ZNF71: variants seen among roughly 807,000 people sequenced by gnomAD.
ZNF71 encodes endothelial zinc finger protein induced by tumor necrosis factor alpha.
ZNF71 carries 3 observed loss-of-function variants against 6.7 expected under a neutral mutation model. That is an observed-to-expected ratio of 0.45 (90% confidence interval 0.20 to 1.16). ZNF71 has a LOEUF of 1.16. Among genes scored for constraint, ZNF71 ranks in the 50% most tolerant of loss-of-function variants. The pLI, the probability that ZNF71 is intolerant of heterozygous loss-of-function variation, is 0.25. For synonymous variants in ZNF71, 343 were observed against 311.1 expected (o/e 1.10, Z -1.08); for missense variants, 688 against 728.6 (o/e 0.94, Z 0.64).
At chr19:56,617,107 C>CTTTTTTT (rs200131241) in intron 3 of ZNF71, among the ~76,000 whole-genome samples, 5 of 117,140 alleles carry the variant, frequency 4.3e-5, no homozygotes, top group African/African-American at 1.6e-4. Context: ...CTTCCATTTT[C>CTTTTTTT]TTTTGTTTTT....
chr19:56,617,130 T>TTTTTA (rs1172399730), intron 3 of ZNF71, among the ~76,000 whole-genome samples: 6 of 151,180 alleles, frequency 4.0e-5, no homozygotes, highest in Admixed American at 2.0e-4. Flanking sequence ...TTGTTTTTTT[T>TTTTTA]GAGACAGTCT....
chr19:56,597,012 A>G (rs1010106189), intron 1 of ZNF71, among the ~76,000 whole-genome samples: 4 of 152,222 alleles, frequency 2.6e-5, no homozygotes, highest in African/African-American at 9.6e-5. Flanking sequence ...CCGCTGCATG[A>G]TTTTTAAGGG....
Position 56,624,452 on chromosome 19 carries a change from G to C in ZNF71, c.*1695G>C, listed in dbSNP as rs921869668. 1.3e-5 allele frequency: 2 copies of C among 152,228 alleles called. No homozygotes were observed. Among genetic ancestry groups the C allele is most frequent in the Non-Finnish European group, 2.9e-5 (2 of 68,040 alleles). The allele number at this position is 152,228 out of a possible 1,614,324, so 9.4% of individuals were successfully genotyped here. On this transcript the variant is annotated 3_prime_UTR_variant, in exon 4 of 4. Coordinates refer to ENST00000599599, the MANE Select transcript of ZNF71 (RefSeq NM_001370215.1). ...ATCAGACATTGCTTTAGTTGCATCT[G>C]TTGTGGGAATAAATGAGAATATGTA...
At position 56,618,895 on chromosome 19, in the gene ZNF71, C is replaced by T. The variant is rs551847523; in HGVS notation, c.161-2373C>T. On this transcript the variant is annotated intron_variant, in intron 3 of 3. Transcript: ENST00000599599. This position sits in a 1 kb window ranked among gnomAD's most constrained non-coding sequence, Gnocchi z 4.6. ...CTGACTCCTCAGAAGACCGCACTCC[C>T]GGAGGAGTGGAGGACGCATTGCAGG... 3.4e-4 allele frequency among the ~76,000 whole-genome samples: 52 copies of T among 152,102 alleles called. 1 individual carries two copies. In the Middle Eastern group the frequency reaches 0.01, roughly 30 times the overall value.
intron 3 of ZNF71, among the ~76,000 whole-genome samples, chr19:56,620,713 T>A (rs2044837539): frequency 6.6e-6 from 1 of 151,858 alleles, no homozygotes; most frequent in Non-Finnish European, 1.5e-5. Context: ...TAAAAAAAAA[T>A]TTAGTAGAGG....
intron 1 of ZNF71, among the ~76,000 whole-genome samples, chr19:56,599,691 G>GTTTTTTTT: frequency 7.0e-6 from 1 of 143,688 alleles, no homozygotes; most frequent in Non-Finnish European, 1.5e-5. Context: ...CATTTTTAGT[G>GTTTTTTTT]TTTTGTTTTT....
intron 3 of ZNF71, among the ~76,000 whole-genome samples, chr19:56,620,101 C>T (rs932280791): frequency 4.6e-5 from 7 of 152,188 alleles, no homozygotes; most frequent in Non-Finnish European, 8.8e-5. Flanking sequence ...GACCCCAAGT[C>T]ATGTGATTAT....
intron 3 of ZNF71, among the ~76,000 whole-genome samples, chr19:56,620,117 G>C (rs914915246): frequency 4.6e-5 from 7 of 152,218 alleles, no homozygotes; most frequent in Non-Finnish European, 5.9e-5. Context: ...ATTATTGTGG[G>C]CTCAAGTGAG....
chr19:56,617,333 A>T (rs1403689790), intron 3 of ZNF71, among the ~76,000 whole-genome samples: 1 of 151,216 alleles, frequency 6.6e-6, no homozygotes, highest in Non-Finnish European at 1.5e-5. Flanking sequence ...CTGGTCTCAA[A>T]CTCCTGACCA....
Position 56,618,532 on chromosome 19 carries a change from G to C in ZNF71, c.161-2736G>C, listed in dbSNP as rs2148018348. Among the ~76,000 whole-genome samples, 1 of 152,306 alleles carries C rather than the reference G, an allele frequency of 6.6e-6. No individual in the cohort carries two copies. The highest frequency in any genetic ancestry group is 1.5e-5 in the Non-Finnish European group (1 of 68,042). Reference sequence around the variant, plus strand: ...CGATAATAATCAGATCAAGGGACAGGCAGAGAAAAATTGCCACAGGTCACT... The same window carrying C: ...CGATAATAATCAGATCAAGGGACAGCCAGAGAAAAATTGCCACAGGTCACT... On this transcript the variant is annotated intron_variant, in intron 3 of 3. Transcript: ENST00000599599. The surrounding 1 kb of genome is among the most constrained non-coding windows in gnomAD (Gnocchi z 4.6).
intron 3 of ZNF71, among the ~76,000 whole-genome samples, chr19:56,619,298 C>T (rs1011680685): frequency 1.1e-4 from 17 of 152,024 alleles, no homozygotes; most frequent in Admixed American, 8.5e-4. Context: ...GAAACCCTAT[C>T]CCCATTAAAC....
chr19:56,604,552 G>A (rs2044695103), intron 2 of ZNF71, among the ~76,000 whole-genome samples: 1 of 152,188 alleles, frequency 6.6e-6, no homozygotes, highest in Non-Finnish European at 1.5e-5. Flanking sequence ...CCTGTGGAGG[G>A]GGACATTGTT....
rs2044868840 is a variant in ZNF71, at chr19:56,622,568, G to A, written c.1461G>A (p.Glu487=). The A allele has an allele frequency of 6.2e-7, 1 of 1,613,574 alleles. No homozygotes were observed. Residue 487 remains glutamate (E), a synonymous_variant, in exon 4 of 4, where the codon GAG becomes GAA. Coordinates refer to ENST00000599599, the MANE Select transcript of ZNF71 (RefSeq NM_001370215.1). ...KAFSQSAYLI[E]HQRIHTGEKP... Reference sequence around the variant, plus strand: ...TCAGCCAGAGCGCCTACCTCATCGAGCACCAGCGGATCCACACCGGCGAGA... The same window carrying A: ...TCAGCCAGAGCGCCTACCTCATCGAACACCAGCGGATCCACACCGGCGAGA...
rs1453858190 is a variant in ZNF71 at position 56,618,582 on chromosome 19, G to A, written c.161-2686G>A. ...TGAGTGTTCATAAAGAAGTGGGCAG[G>A]AGGACCTTCCTTCCTTACGTAGGGT... is the stretch of plus-strand genomic sequence containing the variant. On this transcript the variant is annotated intron_variant, in intron 3 of 3. Coordinates refer to ENST00000599599, the MANE Select transcript of ZNF71 (RefSeq NM_001370215.1). The surrounding 1 kb of genome is among the most constrained non-coding windows in gnomAD (Gnocchi z 4.6). Among the ~76,000 whole-genome samples, 1 of 152,198 alleles carries A rather than the reference G, an allele frequency of 6.6e-6. No individual in the cohort carries two copies. The highest frequency in any genetic ancestry group is 1.5e-5 in the Non-Finnish European group (1 of 68,042).
intron 2 of ZNF71, among the ~76,000 whole-genome samples, chr19:56,612,787 A>G (rs1217887249): frequency 6.6e-6 from 1 of 152,204 alleles, no homozygotes; most frequent in Non-Finnish European, 1.5e-5. Flanking sequence ...GATTTTAAAA[A>G]TTGAAAAACA....
Position 56,603,931 on chromosome 19 carries a change from C to T in ZNF71, c.33+2340C>T, listed in dbSNP as rs945899011. Among the ~76,000 whole-genome samples the T allele has an allele frequency of 1.3e-5, 2 of 151,940 alleles. No individual in the cohort carries two copies. The highest frequency in any genetic ancestry group is 4.8e-5 in the African/African-American group (2 of 41,344). The stretch of plus-strand genomic sequence containing the variant: ...AAAGATGGAGTACTAGAAAAAGGGG[C>T]CTTGGACACGTACGTGCAGAGAACT... On this transcript the variant is annotated intron_variant, in intron 2 of 3. Transcript: ENST00000599599. This position sits in a 1 kb window ranked among gnomAD's most constrained non-coding sequence, Gnocchi z 4.6.
rs373161176 is a variant in ZNF71, at chr19:56,621,364, C to T, written c.257C>T (p.Thr86Met). The stretch of plus-strand genomic sequence containing the variant: ...GTTGGGGAGGCCACGGGGGGACCCA[C>T]GAGGAATGGTGCCAGGGGTCCTGGC... ...SVVGEATGGP[T>M]RNGARGPGSE... The change falls in exon 4 of 4, where the codon ACG becomes ATG. Residue 86 changes from threonine (T) to methionine (M), a missense_variant. Physicochemically the swap from Thr to Met is moderately conservative, Grantham distance 81. Coordinates refer to ENST00000599599, the MANE Select transcript of ZNF71 (RefSeq NM_001370215.1). 36 of 1,585,270 alleles carry T rather than the reference C, an allele frequency of 2.3e-5. No individual in the cohort carries two copies. The Admixed American group carries it at 4.6e-4, about 20-fold the overall frequency.
chr19:56,621,356 G>T lies in ZNF71; in HGVS notation c.249G>T (p.Gly83=). ...DKLSVVGEAT[G]GPTRNGARGP... is the part of the protein sequence containing the mutation. ...TCTCCGTTGTTGGGGAGGCCACGGG[G>T]GGACCCACGAGGAATGGTGCCAGGG... The change falls in exon 4 of 4, where the codon GGG becomes GGT. Residue 83 remains glycine, a synonymous_variant. Transcript: ENST00000599599. The T allele has an allele frequency of 6.3e-7, 1 of 1,575,140 alleles. No homozygotes were observed.
Position 56,624,231 on chromosome 19 carries a change from ACGTATAAACAAGGTGGAC to A in ZNF71, c.*1478_*1495del, listed in dbSNP as rs2044891000. The A allele has an allele frequency of 1.9e-5, 3 of 159,986 alleles. No individual in the cohort carries two copies. The highest frequency in any genetic ancestry group is 1.3e-4 in the Admixed American group (2 of 15,310). 9.9% of individuals were successfully genotyped at this position (159,986 alleles called of 1,614,324 possible). On this transcript the variant is annotated 3_prime_UTR_variant, in exon 4 of 4. Coordinates refer to ENST00000599599, the MANE Select transcript of ZNF71 (RefSeq NM_001370215.1). Reference sequence around the variant, plus strand: ...AAATAAGAAAAACAGCCACTCGGGCACGTATAAACAAGGTGGACCGTTTTTCAAATTCTGGCAGTCAAG... The same window carrying A: ...AAATAAGAAAAACAGCCACTCGGGCACGTTTTTCAAATTCTGGCAGTCAAG...
Sources: allele counts gnomAD v4.1 joint callset (sites outside exome capture counted in the v4.1 genomes callset), GRCh38; gene constraint gnomAD v4.1.1; non-coding constraint Gnocchi (gnomAD v3.1); transcripts MANE v1.5; gene names NCBI Gene and HGNC (gene_info 2026-07-23, HGNC 2026-07-21).